The following EPB41L3 variants were observed in gnomAD, a reference collection of about 807,000 sequenced individuals.
EPB41L3 encodes the protein band 4.1-like protein 3.
EPB41L3 carries 57 observed loss-of-function variants against 127.1 expected under a neutral mutation model. The observed-to-expected ratio is 0.45, with a 90% CI of 0.36 to 0.56. The LOEUF is 0.56. Ranked by LOEUF, EPB41L3 falls within the 20% of genes least tolerant of loss-of-function variation. The probability of loss-of-function intolerance (pLI) is 0.00; values close to 1 mark genes in which losing one functional copy is unlikely to be tolerated. For synonymous variants in EPB41L3, 572 were observed against 549.5 expected (o/e 1.04, Z -0.57); for missense variants, 1,273 against 1,372.2 (o/e 0.93, Z 1.14).
At chr18:5,407,880 C>A (rs2075670459) in intron 14 of EPB41L3, 144 bp from the exon 15 acceptor site, 2 of 703,972 alleles carry the variant, frequency 2.8e-6, no homozygotes, top group African/African-American at 3.6e-5. Flanking sequence ...TATACACAAA[C>A]CACAACATTC....
chr18:5,404,165 C>G (rs530507782), intron 16 of EPB41L3, among the ~76,000 whole-genome samples: 81 of 152,292 alleles, frequency 5.3e-4, no homozygotes, highest in African/African-American at 1.9e-3. Context: ...GAGCACAGCA[C>G]CCTGACACCT....
At chr18:5,620,563 T>C (rs1415240146) in intron 1 of EPB41L3, among the ~76,000 whole-genome samples, 2 of 152,198 alleles carry the variant, frequency 1.3e-5, no homozygotes, top group African/African-American at 4.8e-5. Context: ...TAGCTAAGAA[T>C]AGTACAAATT....
intron 1 of EPB41L3, among the ~76,000 whole-genome samples, chr18:5,522,491 T>C (rs1447656585): frequency 1.3e-5 from 2 of 152,192 alleles, no homozygotes; most frequent in African/African-American, 2.4e-5. Flanking sequence ...ATAGAATAAA[T>C]TGTGATCTAA....
intron 3 of EPB41L3, among the ~76,000 whole-genome samples, chr18:5,580,258 G>A (rs1304544946): frequency 1.3e-5 from 2 of 152,066 alleles, no homozygotes; most frequent in Non-Finnish European, 2.9e-5. Flanking sequence ...CATGTGTATA[G>A]ATACACTTAT....
intron 1 of EPB41L3, among the ~76,000 whole-genome samples, chr18:5,535,102 C>T (rs1251473679): frequency 2.0e-5 from 3 of 152,160 alleles, no homozygotes; most frequent in South Asian, 2.1e-4. Context: ...GAATGTGAAC[C>T]GCACACGTGA....
intron 3 of EPB41L3, among the ~76,000 whole-genome samples, chr18:5,604,953 G>T (rs953355856): frequency 2.0e-5 from 3 of 152,102 alleles, no homozygotes; most frequent in Admixed American, 6.5e-5. Context: ...TCCTCTAGCT[G>T]CTAAAAGTGC....
intron 1 of EPB41L3, among the ~76,000 whole-genome samples, chr18:5,523,964 T>C (rs1187797297): frequency 6.6e-6 from 1 of 152,176 alleles, no homozygotes; most frequent in Non-Finnish European, 1.5e-5. Flanking sequence ...TCTATGAATA[T>C]TTCTATGTAT....
chr18:5,505,864 A>C (rs1284039678), intron 1 of EPB41L3, among the ~76,000 whole-genome samples: 6 of 68,108 alleles, frequency 8.8e-5, no homozygotes, highest in African/African-American at 2.4e-4. Context: ...CTCCACCCCT[A>C]CCTTCCACAC....
intron 3 of EPB41L3, among the ~76,000 whole-genome samples, chr18:5,447,094 T>C (rs1447435087): frequency 3.9e-5 from 6 of 152,202 alleles, no homozygotes; most frequent in African/African-American, 1.4e-4. Context: ...ACCTGGGAAG[T>C]AGCTTTAGAA....
intron 1 of EPB41L3, among the ~76,000 whole-genome samples, chr18:5,494,405 C>A (rs1013796354): frequency 2.6e-5 from 4 of 152,174 alleles, no homozygotes; most frequent in African/African-American, 9.7e-5. Context: ...CGCCTGTAAT[C>A]CCAACACTTT....
intron 3 of EPB41L3, among the ~76,000 whole-genome samples, chr18:5,555,317 T>C (rs2094018734): frequency 6.6e-6 from 1 of 152,158 alleles, no homozygotes; most frequent in African/African-American, 2.4e-5. Flanking sequence ...GCAACCTCCA[T>C]ACTTCAAGAA....
chr18:5,626,013 GCA>G (rs1329444410), intron 1 of EPB41L3, among the ~76,000 whole-genome samples: 1 of 149,692 alleles, frequency 6.7e-6, no homozygotes, highest in Non-Finnish European at 1.5e-5. Flanking sequence ...GACTGAAATC[GCA>G]CCCAATCAGC....
intron 1 of EPB41L3, among the ~76,000 whole-genome samples, chr18:5,523,153 A>G (rs918293582): frequency 1.3e-5 from 2 of 152,200 alleles, no homozygotes; most frequent in Non-Finnish European, 2.9e-5. Context: ...AAGGGCCACA[A>G]AGTCCCTGAA....
At chr18:5,457,779 G>A (rs773496724) in intron 3 of EPB41L3, among the ~76,000 whole-genome samples, 10 of 152,022 alleles carry the variant, frequency 6.6e-5, no homozygotes, top group African/African-American at 1.9e-4. Context: ...ACACCTCCAC[G>A]CCCCGAAGCC....
At chr18:5,419,648 C>T (rs1281576187) in intron 12 of EPB41L3, 63 bp downstream of exon 12, 1 of 1,600,450 alleles carries the variant, frequency 6.2e-7, no homozygotes, top group Non-Finnish European at 8.5e-7. Flanking sequence ...TTTACAGCCT[C>T]AGCATCATTT....
At chr18:5,615,734 C>CA (rs2094787106) in intron 1 of EPB41L3, among the ~76,000 whole-genome samples, 1 of 152,118 alleles carries the variant, frequency 6.6e-6, no homozygotes, top group South Asian at 2.1e-4. Flanking sequence ...ATAAGTCACC[C>CA]AAAAGCTGTT....
intron 1 of EPB41L3, among the ~76,000 whole-genome samples, chr18:5,509,857 A>T (rs1027657503): frequency 2.0e-5 from 3 of 152,212 alleles, no homozygotes; most frequent in African/African-American, 7.2e-5. Flanking sequence ...TTTACCACTG[A>T]ACAAGTTACA....
intron 11 of EPB41L3, chr18:5,420,097 C>T (rs17381858): frequency 0.15 from 131,198 of 885,002 alleles, 10,569 homozygotes; most frequent in Non-Finnish European, 0.16. Context: ...GAGAGCATGA[C>T]CTTCCTGTAT....
Position 5,566,732 on chromosome 18 carries a change from CTATTCTATTCTATTCT to C in EPB41L3, c.-306+45592_-306+45607del, listed in dbSNP as rs1568583639. 3.2e-4 allele frequency among the ~76,000 whole-genome samples: 27 copies of C among 84,332 alleles called. 2 individuals are homozygous for C. The highest frequency in any genetic ancestry group is 1.2e-3 in the South Asian group (3 of 2,542). 55.3% of individuals were successfully genotyped at this position (84,332 alleles called of 152,430 possible). ...CTTTTCTTTTCTATTCCATTCTATT[CTATTCTATTCTATTCT>C]ATTCTATTCTATTCTATTCTATTCT... On this transcript the variant is annotated intron_variant, in intron 3 of 21. Coordinates refer to the EPB41L3 transcript ENST00000545076.
Sources: allele counts gnomAD v4.1 joint callset (sites outside exome capture counted in the v4.1 genomes callset), GRCh38; gene constraint gnomAD v4.1.1; transcripts MANE v1.5; gene names NCBI Gene and HGNC (gene_info 2026-07-23, HGNC 2026-07-21).